Variants in CPA1 observed in about 807,000 individuals in gnomAD.
CPA1 encodes carboxypeptidase A1, also known as carboxypeptidase A1 (pancreatic).
A neutral mutation model predicts 48.7 loss-of-function variants in CPA1; 42 were observed. That is an observed-to-expected ratio of 0.86 (90% CI 0.67 to 1.11). CPA1 has a LOEUF of 1.11. Among genes scored for constraint, CPA1 ranks in the 50% most tolerant of loss-of-function variants. The probability of loss-of-function intolerance (pLI) is 0.00; values close to 1 mark genes in which losing one functional copy is unlikely to be tolerated. For missense variants in CPA1, 477 were observed against 544.7 expected (o/e 0.88, Z 1.24); for synonymous variants, 203 against 217.9 (o/e 0.93, Z 0.60).
At chr7:130,385,954 C>G in intron 9 of CPA1, 31 bp downstream of exon 9, 6 of 1,565,684 alleles carry the variant, frequency 3.8e-6, no homozygotes, top group Non-Finnish European at 5.3e-6. Flanking sequence ...TCTTGATGGG[C>G]CTGCGAGGAA....
intron 3 of CPA1, 101 bp from the exon 4 acceptor site, chr7:130,382,007 A>G (rs925788237): frequency 8.2e-7 from 1 of 1,215,346 alleles, no homozygotes; most frequent in Non-Finnish European, 1.2e-6. Context: ...TCGTAGCTCC[A>G]TTGCAGGGCT....
At chr7:130,382,664 T>G (rs1584851348) in intron 4 of CPA1, among the ~76,000 whole-genome samples, 3 of 101,880 alleles carry the variant, frequency 2.9e-5, no homozygotes, top group Non-Finnish European at 1.8e-5. Flanking sequence ...TGAGACAGAG[T>G]CTTACTCTGT....
intron 4 of CPA1, 82 bp from the exon 5 acceptor site, chr7:130,383,309 C>G: frequency 9.4e-7 from 1 of 1,069,156 alleles, no homozygotes; most frequent in Non-Finnish European, 1.4e-6. Context: ...GTCTCTGGCC[C>G]AGGTCGGGGT....
In CPA1 at chr7:130,387,876, C is replaced by T. The variant is rs782791075; in HGVS notation, c.1125C>T (p.Tyr375=). 1.2e-5 allele frequency: 19 copies of T among 1,614,084 alleles called. No homozygotes were observed. Among genetic ancestry groups the T allele is most frequent in the Non-Finnish European group, 1.5e-5 (18 of 1,180,040 alleles). The change falls in exon 10 of 10, where the codon TAC becomes TAT. Residue 375 remains tyrosine (Y), a synonymous_variant. Transcript: ENST00000011292. This position sits in a 1 kb window ranked among gnomAD's most constrained non-coding sequence, Gnocchi z 4.6. Reference sequence around the variant, plus strand: ...GGACCTACAGCCAGGGCATCAAGTACTCCTTCACCTTCGAGCTCCGGGACA... The same window carrying T: ...GGACCTACAGCCAGGGCATCAAGTATTCCTTCACCTTCGAGCTCCGGGACA... ...IDWTYSQGIK[Y]SFTFELRDTG...
At chr7:130,381,276 C>A (rs1796400554) in intron 2 of CPA1, 97 bp downstream of exon 2, 1 of 788,982 alleles carries the variant, frequency 1.3e-6, no homozygotes, top group Non-Finnish European at 2.1e-6. Context: ...TGTCTCCACC[C>A]AACAAGGAGA....
intron 3 of CPA1, 50 bp downstream of exon 3, chr7:130,381,913 TG>T (rs1554411268): frequency 6.5e-7 from 1 of 1,545,348 alleles, no homozygotes; most frequent in East Asian, 2.3e-5. Flanking sequence ...CTCTTCATCA[TG>T]GCTGGTAGAA....
At chr7:130,383,887 G>A (rs781998185) in intron 6 of CPA1, 93 bp downstream of exon 6, 3 of 942,444 alleles carry the variant, frequency 3.2e-6, no homozygotes, top group East Asian at 4.8e-5. Context: ...AGCCCCAGAA[G>A]TCAAGGGAGG....
At chr7:130,382,314 G>A in intron 4 of CPA1, 105 bp downstream of exon 4, 1 of 842,936 alleles carries the variant, frequency 1.2e-6, no homozygotes, top group Non-Finnish European at 1.9e-6. Context: ...GGAACACGCT[G>A]TTAAATGGAC....
In CPA1 at chr7:130,380,592, A is replaced by G. The variant is rs782305414; in HGVS notation, c.65+7A>G. 7.6e-7 allele frequency: 1 copy of G among 1,307,328 alleles called. No individual in the cohort carries two copies. Among genetic ancestry groups the G allele is most frequent in the Non-Finnish European group, 9.9e-7 (1 of 1,015,222 alleles). 81.0% of individuals were successfully genotyped at this position (1,307,328 alleles called of 1,614,324 possible). ...GCAAGGAGGACTTTGTGGGGTAGGG[A>G]TGTGGAGAGGAGGGGGTGCCCTCTG... On this transcript the variant is annotated splice_region_variant and intron_variant, in intron 1 of 9. Transcript: ENST00000011292.
chr7:130,381,370 GGCCCCTTTCCAGTTCCT>G (rs1796401718), intron 2 of CPA1, among the ~76,000 whole-genome samples, 191 bp downstream of exon 2: 1 of 152,026 alleles, frequency 6.6e-6, no homozygotes, highest in Admixed American at 6.5e-5. Flanking sequence ...CAAGGGGCCG[GGCCCCTTTCCAGTTCCT>G]CCCTCTGCCT....
chr7:130,385,232 T>A lies in CPA1; in HGVS notation c.874T>A (p.Phe292Ile), dbSNP rs1796459603. Residue 292 changes from phenylalanine (F) to isoleucine (I), a missense_variant, in exon 8 of 10, where the codon TTT (phenylalanine) becomes ATT (isoleucine). Physicochemically the swap from Phe to Ile is conservative, Grantham distance 21 (BLOSUM62 0). Coordinates refer to ENST00000011292, the MANE Select transcript of CPA1 (RefSeq NM_001868.4). ...AGTGGAGGTCAAGTCCATTGTAGACTTTGTGAAGGACCATGGGAACATCAA... is the reference window on the plus strand; with the variant it reads ...AGTGGAGGTCAAGTCCATTGTAGACATTGTGAAGGACCATGGGAACATCAA... ...SEVEVKSIVD[F>I]VKDHGNIKAF... 1 of 1,614,102 alleles carries A rather than the reference T, an allele frequency of 6.2e-7. No homozygotes were observed. Among genetic ancestry groups the A allele is most frequent in the African/African-American group, 1.3e-5 (1 of 74,928 alleles).
At chr7:130,381,272 C>G in intron 2 of CPA1, 93 bp downstream of exon 2, 1 of 834,796 alleles carries the variant, frequency 1.2e-6, no homozygotes, top group East Asian at 2.6e-5. Flanking sequence ...GGGCTGTCTC[C>G]ACCCAACAAG....
At chr7:130,381,500 C>T in intron 2 of CPA1, 130 bp from the exon 3 acceptor site, 1 of 679,740 alleles carries the variant, frequency 1.5e-6, no homozygotes, top group Non-Finnish European at 2.5e-6. Flanking sequence ...CCCTATTACC[C>T]CTGACCTATC....
At chr7:130,381,005 T>C in intron 1 of CPA1, 93 bp from the exon 2 acceptor site, 1 of 997,230 alleles carries the variant, frequency 1.0e-6, no homozygotes, top group Non-Finnish European at 1.6e-6. Context: ...GTCTGGGGAT[T>C]CTGGGCTGCT....
chr7:130,385,605 G>A (rs1422446716), intron 8 of CPA1, among the ~76,000 whole-genome samples: 1 of 152,198 alleles, frequency 6.6e-6, no homozygotes, highest in Non-Finnish European at 1.5e-5. Flanking sequence ...ACATGTGGAG[G>A]TGCATGTGCC....
chr7:130,381,846 T>G lies in CPA1; in HGVS notation c.364T>G (p.Tyr122Asp). Residue 122 changes from tyrosine to aspartate, a missense_variant, in exon 3 of 10, where the codon TAC becomes GAC. Tyr to Asp is a radical substitution (Grantham distance 160). Coordinates refer to ENST00000011292, the MANE Select transcript of CPA1 (RefSeq NM_001868.4). ...CACCGACACTTTTAACTACGCCACC[T>G]ACCACACCCTGGAGGAGGTGAGGGC... ...RSTDTFNYAT[Y>D]HTLEEIYDFL... 1 of 1,613,768 alleles carries G rather than the reference T, an allele frequency of 6.2e-7. No homozygotes were observed. Among genetic ancestry groups the G allele is most frequent in the Non-Finnish European group, 8.5e-7 (1 of 1,179,912 alleles).
At position 130,387,781 on chromosome 7, in the gene CPA1, C is replaced by A; in HGVS notation, c.1073-43C>A. 6.3e-7 allele frequency: 1 copy of A among 1,579,094 alleles called. No homozygotes were observed. Among genetic ancestry groups the A allele is most frequent in the South Asian group, 1.1e-5 (1 of 89,544 alleles). On this transcript the variant is annotated intron_variant, in intron 9 of 9. Coordinates refer to ENST00000011292, the MANE Select transcript of CPA1 (RefSeq NM_001868.4). The surrounding 1 kb of genome is among the most constrained non-coding windows in gnomAD (Gnocchi z 4.6). The stretch of plus-strand genomic sequence containing the variant: ...TTAACCCAACCCGTGTAAATATTCC[C>A]AAAGTGATTGACCCTTTCTCTCCTA...
In CPA1 at chr7:130,387,950, C is replaced by T. The variant is rs1485412781; in HGVS notation, c.1199C>T (p.Ala400Val). The T allele has an allele frequency of 3.5e-5, 56 of 1,614,022 alleles. No homozygotes were observed. Among genetic ancestry groups the T allele is most frequent in the Non-Finnish European group, 4.7e-5 (56 of 1,180,028 alleles). ...LLPASQIIPT[A>V]KETWLALLTI... ...CCAGCCTCCCAGATCATCCCCACAG[C>T]CAAGGAGACGTGGCTGGCGCTTCTG... Residue 400 changes from alanine (A) to valine (V), a missense_variant, in exon 10 of 10, where the codon GCC becomes GTC. Coordinates refer to ENST00000011292, the MANE Select transcript of CPA1 (RefSeq NM_001868.4). This position sits in a 1 kb window ranked among gnomAD's most constrained non-coding sequence, Gnocchi z 4.6.
rs541369703 is a variant in CPA1, at chr7:130,382,255, G to A, written c.483+46G>A. On this transcript the variant is annotated intron_variant, in intron 4 of 9. Coordinates refer to ENST00000011292, the MANE Select transcript of CPA1 (RefSeq NM_001868.4). ...TACACAGGGGAGAATGGACCCACAC[G>A]TGGCATCCGTGATGGGCGTGGGCTC... The A allele has an allele frequency of 2.2e-4, 315 of 1,456,988 alleles. 3 individuals are homozygous for A. The South Asian group carries it at 3.4e-3, about 16-fold the overall frequency. 90.3% of individuals were successfully genotyped at this position (1,456,988 alleles called of 1,614,324 possible).
Sources: gnomAD v4.1 joint callset for allele counts (sites outside exome capture counted in the v4.1 genomes callset) on GRCh38, gnomAD v4.1.1 for gene constraint, Gnocchi (gnomAD v3.1) non-coding constraint, MANE v1.5 for transcripts, NCBI Gene and HGNC (gene_info 2026-07-23, HGNC 2026-07-21) for gene names.